Variants in GABRG3 observed in about 807,000 individuals in gnomAD.
GABRG3 encodes the protein gamma-aminobutyric acid receptor subunit gamma-3.
A neutral mutation model predicts 48.8 loss-of-function variants in GABRG3; 25 were observed. The observed-to-expected ratio is 0.51, with a 90% CI of 0.37 to 0.72. The LOEUF (loss-of-function observed/expected upper bound fraction) is 0.72. Among genes scored for constraint, GABRG3 ranks in the 30% least tolerant of loss-of-function variants. The probability of loss-of-function intolerance (pLI) is 0.00; values close to 1 mark genes in which losing one functional copy is unlikely to be tolerated. For synonymous variants in GABRG3, 227 were observed against 217.6 expected (o/e 1.04, Z -0.38); for missense variants, 394 against 577.9 (o/e 0.68, Z 3.26).
At chr15:27,404,533 G>A (rs542917661) in intron 5 of GABRG3, among the ~76,000 whole-genome samples, 1 of 152,192 alleles carries the variant, frequency 6.6e-6, no homozygotes, top group African/African-American at 2.4e-5. Context: ...TGGGGCCCTG[G>A]GGCCCGGCCT....
chr15:27,442,213 C>G (rs1472914674), intron 5 of GABRG3, among the ~76,000 whole-genome samples: 1 of 152,146 alleles, frequency 6.6e-6, no homozygotes, highest in Non-Finnish European at 1.5e-5. Context: ...CTCTTGGTCT[C>G]AGCTCCTACT....
intron 3 of GABRG3, among the ~76,000 whole-genome samples, chr15:27,213,075 C>G (rs527586711): frequency 6.6e-6 from 1 of 152,238 alleles, no homozygotes; most frequent in Non-Finnish European, 1.5e-5. Flanking sequence ...TGCTGTATTA[C>G]ATAAGAAAAT....
intron 3 of GABRG3, among the ~76,000 whole-genome samples, chr15:27,216,557 G>A (rs1395908482): frequency 6.6e-6 from 1 of 152,024 alleles, no homozygotes; most frequent in Non-Finnish European, 1.5e-5. Flanking sequence ...CCATCCGTGT[G>A]TTTTTAAGGC....
intron 3 of GABRG3, among the ~76,000 whole-genome samples, chr15:27,285,351 G>A (rs1336816743): frequency 6.6e-6 from 1 of 151,626 alleles, no homozygotes; most frequent in Non-Finnish European, 1.5e-5. Flanking sequence ...TTGGGTCCAA[G>A]GGGGAGGTAG....
intron 3 of GABRG3, among the ~76,000 whole-genome samples, chr15:27,039,967 C>CTT (rs10654770): frequency 0.041 from 6,244 of 152,304 alleles, 425 homozygotes; most frequent in African/African-American, 0.14. Context: ...TGCTGGGACA[C>CTT]TTCTTCTCTT....
At chr15:27,040,409 G>C (rs1000977687) in intron 3 of GABRG3, among the ~76,000 whole-genome samples, 1 of 152,224 alleles carries the variant, frequency 6.6e-6, no homozygotes, top group African/African-American at 2.4e-5. Flanking sequence ...AGGAGAGTGA[G>C]TTGCTGGGGG....
At chr15:27,069,765 A>G (rs1323986931) in intron 3 of GABRG3, among the ~76,000 whole-genome samples, 1 of 152,264 alleles carries the variant, frequency 6.6e-6, no homozygotes, top group Admixed American at 6.5e-5. Context: ...TTTAGAAGTA[A>G]TATTCAGCTC....
chr15:27,119,889 A>C (rs1897702587), intron 3 of GABRG3, among the ~76,000 whole-genome samples: 1 of 152,218 alleles, frequency 6.6e-6, no homozygotes, highest in Admixed American at 6.5e-5. Context: ...CCCCTAGAGC[A>C]CATCTGCTAG....
chr15:27,005,278 G>A (rs1317570072), intron 2 of GABRG3, among the ~76,000 whole-genome samples: 2 of 151,962 alleles, frequency 1.3e-5, no homozygotes, highest in Non-Finnish European at 2.9e-5. Context: ...TCGGCTCACT[G>A]CAACCTCCGC....
chr15:27,155,753 G>A (rs187305127), intron 3 of GABRG3, among the ~76,000 whole-genome samples: 204 of 152,170 alleles, frequency 1.3e-3, no homozygotes, highest in African/African-American at 4.6e-3. Context: ...CTGGCTGGAC[G>A]GGTACAAGTA....
At chr15:27,256,458 AAAC>A (rs1316983133) in intron 3 of GABRG3, among the ~76,000 whole-genome samples, 2 of 144,856 alleles carry the variant, frequency 1.4e-5, no homozygotes, top group African/African-American at 2.5e-5. Flanking sequence ...AAAAAAAAGA[AAAC>A]AAACCCAAAT....
chr15:27,026,702 C>T (rs1268049768), intron 2 of GABRG3, 52 bp from the exon 3 acceptor site: 8 of 1,381,760 alleles, frequency 5.8e-6, no homozygotes, highest in African/African-American at 1.4e-5. Context: ...ATGTGCTCTC[C>T]TCTGTCTTTC....
At chr15:27,516,008 A>G (rs1300386998) in intron 6 of GABRG3, among the ~76,000 whole-genome samples, 2 of 152,144 alleles carry the variant, frequency 1.3e-5, no homozygotes, top group Non-Finnish European at 1.5e-5. Context: ...TCAAATTTCA[A>G]AACAGAAACC....
At chr15:27,105,039 C>A (rs1262358304) in intron 3 of GABRG3, among the ~76,000 whole-genome samples, 1 of 151,798 alleles carries the variant, frequency 6.6e-6, no homozygotes, top group Non-Finnish European at 1.5e-5. Context: ...TTACAAGAAG[C>A]CCACTAAAAT....
At chr15:27,238,224 G>T (rs1322880243) in intron 3 of GABRG3, among the ~76,000 whole-genome samples, 1 of 152,172 alleles carries the variant, frequency 6.6e-6, no homozygotes. Context: ...TGCTTCCCTA[G>T]GAAGCAGTCA....
intron 5 of GABRG3, among the ~76,000 whole-genome samples, chr15:27,388,415 G>GAAGGAAGGAAAGGAGGGAGGGA (rs1896115177): frequency 1.3e-5 from 2 of 151,696 alleles, no homozygotes; most frequent in Admixed American, 6.6e-5. Context: ...AGGAAGGAAG[G>GAAGGAAGGAAAGGAGGGAGGGA]GGATAAGATG....
At position 27,151,357 on chromosome 15, in the gene GABRG3, G is replaced by GT. The variant is rs34016302; in HGVS notation, c.270+124549dup. ...ACACAGACTGCTACCTTTTGGGACTGTTTTTTTTTTTTTAATCAACATCTT... is the reference window on the plus strand; with the variant it reads ...ACACAGACTGCTACCTTTTGGGACTGTTTTTTTTTTTTTTAATCAACATCTT... On this transcript the variant is annotated intron_variant, in intron 3 of 9. Coordinates refer to ENST00000615808, the MANE Select transcript of GABRG3 (RefSeq NM_033223.5). Among the ~76,000 whole-genome samples the GT allele has an allele frequency of 4.8e-3, 707 of 146,116 alleles. 3 individuals are homozygous for GT. Among genetic ancestry groups the GT allele is most frequent in the African/African-American group, 0.015 (618 of 40,242 alleles).
At position 27,507,712 on chromosome 15, in the gene GABRG3, C is replaced by T. The variant is rs146441949; in HGVS notation, c.713-12260C>T. On this transcript the variant is annotated intron_variant, in intron 6 of 9. Coordinates refer to ENST00000615808, the MANE Select transcript of GABRG3 (RefSeq NM_033223.5). ...ATTGTTCAAGTCTTCCATATCCTTACATATTTTCTGTTTGTTTGTCCTTTC... is the reference window on the plus strand; with the variant it reads ...ATTGTTCAAGTCTTCCATATCCTTATATATTTTCTGTTTGTTTGTCCTTTC... Among the ~76,000 whole-genome samples the T allele has an allele frequency of 1.3e-3, 201 of 152,146 alleles. 1 individual carries two copies. Among genetic ancestry groups the T allele is most frequent in the Middle Eastern group, 3.4e-3 (1 of 292 alleles).
rs1891566684 is a variant in GABRG3, at chr15:27,537,161, C to T, written c.*4280C>T. On this transcript the variant is annotated 3_prime_UTR_variant, in exon 10 of 10. Coordinates refer to ENST00000615808, the MANE Select transcript of GABRG3 (RefSeq NM_033223.5). ...AAAAAAAAAAGAATGGCTTAAGCTCCACATAATCTGATGTAAATATACATT... is the reference window on the plus strand; with the variant it reads ...AAAAAAAAAAGAATGGCTTAAGCTCTACATAATCTGATGTAAATATACATT... The T allele has an allele frequency of 6.6e-6, 1 of 151,304 alleles. No homozygotes were observed. Among genetic ancestry groups the T allele is most frequent in the Non-Finnish European group, 1.5e-5 (1 of 67,924 alleles). The allele number at this position is 151,304 out of a possible 1,614,324, so 9.4% of individuals were successfully genotyped here.
Sources: gnomAD v4.1 joint callset for allele counts (sites outside exome capture counted in the v4.1 genomes callset) on GRCh38, gnomAD v4.1.1 for gene constraint, MANE v1.5 for transcripts, NCBI Gene and HGNC (gene_info 2026-07-23, HGNC 2026-07-21) for gene names.